ITIH3: variants seen among roughly 807,000 people sequenced by gnomAD.
ITIH3 encodes inter-alpha-trypsin inhibitor heavy chain H3.
ITIH3 carries 81 observed loss-of-function variants against 96.5 expected under a neutral mutation model. The observed-to-expected ratio is 0.84, with a 90% CI of 0.70 to 1.01. The LOEUF (loss-of-function observed/expected upper bound fraction) is 1.01, where lower values mean the gene tolerates loss of function less well. Among genes scored for constraint, ITIH3 ranks in the 50% least tolerant of loss-of-function variants. The pLI is 0.00. For synonymous variants in ITIH3, 422 were observed against 445.2 expected, an observed-to-expected ratio of 0.95 and a Z score of 0.66; for missense variants, 1,057 against 1,139.3, an observed-to-expected ratio of 0.93 and a Z score of 1.04.
In ITIH3 at chr3:52,806,956, G is replaced by A; in HGVS notation, c.2112G>A (p.Lys704=). 1 of 1,593,496 alleles carries A rather than the reference G, an allele frequency of 6.3e-7. No individual in the cohort carries two copies. Among genetic ancestry groups the A allele is most frequent in the Non-Finnish European group, 8.5e-7 (1 of 1,170,088 alleles). The change falls in exon 19 of 22, where the codon AAG becomes AAA. Residue 704 remains lysine, a synonymous_variant. Transcript: ENST00000449956. ...TGDKRGSPDS[K]TRKTYFGKLG... is the part of the protein sequence containing the mutation. ...ACAAGAGAGGCAGCCCTGACTCCAA[G>A]ACCAGAAAGACTTACTTTGGAAAAC...
rs780338298 is a variant in ITIH3, at chr3:52,803,867, T to A, written c.1722T>A (p.His574Gln). 5.6e-6 allele frequency: 9 copies of A among 1,613,974 alleles called. No homozygotes were observed. Among genetic ancestry groups the A allele is most frequent in the Non-Finnish European group, 6.8e-6 (8 of 1,179,880 alleles). ...EQLLEKRKNA[H>Q]GEEKENLTAR... ...CCCCTCCTCACAGCAAGAACGCCCA[T>A]GGCGAGGAGAAGGAGAACCTCACGG... Residue 574 changes from histidine (H) to glutamine (Q), a missense_variant, in exon 14 of 22, where the codon CAT becomes CAA. Transcript: ENST00000449956.
intron 8 of ITIH3, 115 bp downstream of exon 8, chr3:52,799,603 T>A: frequency 9.3e-7 from 1 of 1,074,284 alleles, no homozygotes; most frequent in Non-Finnish European, 1.3e-6. Context: ...GGGGACAGGA[T>A]AAGAGAAGGC....
rs754230343 is a variant in ITIH3, at chr3:52,795,637, C to T, written c.114+14C>T. The T allele has an allele frequency of 4.3e-6, 7 of 1,611,578 alleles. No individual in the cohort carries two copies. The highest frequency in any genetic ancestry group is 5.9e-6 in the Non-Finnish European group (7 of 1,178,818). ...CTCCCGGAAGGGGTAAGAACTTTCACCAGGGGGTGGGACCGAGTGGGGCAG... is the reference window on the plus strand; with the variant it reads ...CTCCCGGAAGGGGTAAGAACTTTCATCAGGGGGTGGGACCGAGTGGGGCAG... On this transcript the variant is annotated intron_variant, in intron 2 of 21. Transcript: ENST00000449956.
Position 52,804,023 on chromosome 3 carries a change from T to C in ITIH3, c.1864+14T>C. 2 of 1,609,802 alleles carry C rather than the reference T, an allele frequency of 1.2e-6. No homozygotes were observed. The highest frequency in any genetic ancestry group is 1.7e-6 in the Non-Finnish European group (2 of 1,178,124). ...AGCCTGGGGAAGGTGGGGATAGGGA[T>C]GGAGGCCGGAACCCGGAGGCCTCCT... On this transcript the variant is annotated intron_variant, in intron 14 of 21. Coordinates refer to ENST00000449956, the MANE Select transcript of ITIH3 (RefSeq NM_002217.4).
intron 1 of ITIH3, among the ~76,000 whole-genome samples, 160 bp downstream of exon 1, chr3:52,795,056 G>A (rs567699397): frequency 6.6e-6 from 1 of 152,152 alleles, no homozygotes; most frequent in Non-Finnish European, 1.5e-5. Context: ...TCCAGCTGAG[G>A]CCTATGCTAA....
rs368235477 is a variant in ITIH3, at chr3:52,802,478, G to A, written c.1528G>A (p.Glu510Lys). ...CGTGGTGGCCGGGCGCCTGGTGGAC[G>A]AGGACATGAACAGCTTTAAGGCAGA... ...EIVVAGRLVD[E>K]DMNSFKADVK... The change falls in exon 12 of 22, where the codon GAG becomes AAG. Residue 510 changes from glutamate (E) to lysine (K), a missense_variant. Coordinates refer to ENST00000449956, the MANE Select transcript of ITIH3 (RefSeq NM_002217.4). The A allele has an allele frequency of 9.9e-6, 16 of 1,613,846 alleles. No homozygotes were observed. Among genetic ancestry groups the A allele is most frequent in the Non-Finnish European group, 1.3e-5 (15 of 1,179,886 alleles).
rs750391616 is a variant in ITIH3 at position 52,801,109 on chromosome 3, G to A, written c.1346G>A (p.Arg449His). The stretch of plus-strand genomic sequence containing the variant: ...CTGGAGAACCATGGGTTTGCCCGGC[G>A]CATTTATGAGGACTCTGATGCCGAT... The part of the protein sequence containing the change: ...MALENHGFAR[R>H]IYEDSDADLQ... Residue 449 changes from arginine (R) to histidine (H), a missense_variant, in exon 11 of 22, where the codon CGC becomes CAC. By Grantham distance (29) the Arg-to-His change is conservative (BLOSUM62 0). Coordinates refer to ENST00000449956, the MANE Select transcript of ITIH3 (RefSeq NM_002217.4). 96 of 1,597,724 alleles carry A rather than the reference G, an allele frequency of 6.0e-5. No homozygotes were observed. The East Asian group carries it at 6.9e-4, about 12-fold the overall frequency.
chr3:52,804,196 G>C, intron 14 of ITIH3, 187 bp downstream of exon 14: 1 of 620,698 alleles, frequency 1.6e-6, no homozygotes, highest in Non-Finnish European at 2.8e-6. Flanking sequence ...GGACAGTGGG[G>C]TGTGGGGTGA....
chr3:52,804,251 C>T, intron 14 of ITIH3: 3 of 559,066 alleles, frequency 5.4e-6, no homozygotes, highest in Non-Finnish European at 9.6e-6. Context: ...AAAGGGGGCA[C>T]ACTGCCCATG....
In ITIH3 at chr3:52,797,121, T is replaced by G; in HGVS notation, c.403T>G (p.Leu135Val). The G allele has an allele frequency of 1.9e-6, 3 of 1,609,372 alleles. No homozygotes were observed. The highest frequency in any genetic ancestry group is 2.5e-6 in the Non-Finnish European group (3 of 1,178,350). The change falls in exon 5 of 22, where the codon TTG (leucine) becomes GTG (valine). Residue 135 changes from leucine to valine, a missense_variant. Physicochemically the swap from Leu to Val is conservative, Grantham distance 32. Transcript: ENST00000449956. ...AGLVKASGRK[L>V]EKFTVSVNVA... ...CCTGGTCAGGGCCTCTGGGAGGAAG[T>G]TGGAGAAGTTCACAGTCTCGGTCAA...
In ITIH3 at chr3:52,806,338, A is replaced by T; in HGVS notation, c.1988A>T (p.Asp663Val). 1 of 1,613,908 alleles carries T rather than the reference A, an allele frequency of 6.2e-7. No homozygotes were observed. Among genetic ancestry groups the T allele is most frequent in the Non-Finnish European group, 8.5e-7 (1 of 1,179,858 alleles). The part of the protein sequence containing the change: ...HFIIQIPEKD[D>V]ALCFNIDEAP... Reference sequence around the variant, plus strand: ...ATCATCCAAATTCCGGAGAAAGACGATGCCCTCTGCTTCAACATCGATGAA... The same window carrying T: ...ATCATCCAAATTCCGGAGAAAGACGTTGCCCTCTGCTTCAACATCGATGAA... Residue 663 changes from aspartate (D) to valine (V), a missense_variant, in exon 18 of 22, where the codon GAT becomes GTT. Coordinates refer to ENST00000449956, the MANE Select transcript of ITIH3 (RefSeq NM_002217.4).
At chr3:52,802,130 C>A (rs1290610020) in intron 11 of ITIH3, 3 of 505,612 alleles carry the variant, frequency 5.9e-6, no homozygotes, top group African/African-American at 3.9e-5. Context: ...TGAAACTGTC[C>A]TTTCTAGTCT....
Position 52,797,046 on chromosome 3 carries a change from C to T in ITIH3, c.387-59C>T, listed in dbSNP as rs538369665. 4.5e-6 allele frequency: 7 copies of T among 1,556,886 alleles called. No homozygotes were observed. In the Admixed American group the frequency reaches 1.1e-4, roughly 25 times the overall value. ...AAAGGGCTGGGCCTGGGGCCGAGGG[C>T]CGAGGAAGGGTGGGCTCCTGCAGTC... On this transcript the variant is annotated intron_variant, in intron 4 of 21. Transcript: ENST00000449956.
At position 52,806,113 on chromosome 3, in the gene ITIH3, GC is replaced by G; in HGVS notation, c.1919del (p.Pro640LeufsTer87). 1 of 1,602,210 alleles carries G rather than the reference GC, an allele frequency of 6.2e-7. No individual in the cohort carries two copies. The highest frequency in any genetic ancestry group is 8.5e-7 in the Non-Finnish European group (1 of 1,174,344). ...PAMSYLTSYQ[P>X]PQNPYYYVDG... ...CCTTTGTATCTGCAGCCAGCTACCA[GC>G]CTCCTCAAAACCCCTACTACTATGG... On this transcript the variant is annotated frameshift_variant, in exon 17 of 22. Coordinates refer to ENST00000449956, the MANE Select transcript of ITIH3 (RefSeq NM_002217.4). LOFTEE classifies it high-confidence loss of function.
At chr3:52,802,268 C>T (rs1256943108) in intron 11 of ITIH3, 66 bp from the exon 12 acceptor site, 1 of 1,547,536 alleles carries the variant, frequency 6.5e-7, no homozygotes, top group Non-Finnish European at 8.8e-7. Context: ...GGCATGGATG[C>T]CCAGCTGCAG....
Position 52,806,343 on chromosome 3 carries a change from C to T in ITIH3, c.1993C>T (p.Leu665Phe). The change falls in exon 18 of 22, where the codon CTC becomes TTC. Residue 665 changes from leucine (L) to phenylalanine (F), a missense_variant. Coordinates refer to ENST00000449956, the MANE Select transcript of ITIH3 (RefSeq NM_002217.4). ...CCAAATTCCGGAGAAAGACGATGCC[C>T]TCTGCTTCAACATCGATGAAGCCCC... Reference protein sequence around the residue: ...IIQIPEKDDALCFNIDEAPGT... With the variant: ...IIQIPEKDDAFCFNIDEAPGT... 6.2e-7 allele frequency: 1 copy of T among 1,614,014 alleles called. No individual in the cohort carries two copies.
rs372170151 is a variant in ITIH3 at position 52,802,500 on chromosome 3, C to T, written c.1550C>T (p.Ala517Val). The change falls in exon 12 of 22, where the codon GCA (alanine) becomes GTA (valine). Residue 517 changes from alanine (A) to valine (V), a missense_variant. Ala to Val is a moderately conservative substitution (Grantham distance 64). Transcript: ENST00000449956. ...LVDEDMNSFK[A>V]DVKGHGATND... ...GACGAGGACATGAACAGCTTTAAGGCAGATGTGAAGGGCCATGGGGTGAGT... is the reference window on the plus strand; with the variant it reads ...GACGAGGACATGAACAGCTTTAAGGTAGATGTGAAGGGCCATGGGGTGAGT... The T allele has an allele frequency of 1.2e-6, 2 of 1,613,858 alleles. No homozygotes were observed. The highest frequency in any genetic ancestry group is 1.3e-5 in the African/African-American group (1 of 75,032).
chr3:52,796,375 G>T, intron 2 of ITIH3, 106 bp from the exon 3 acceptor site: 1 of 950,232 alleles, frequency 1.1e-6, no homozygotes, highest in South Asian at 1.6e-5. Context: ...TTGCGTGCCG[G>T]GCAGGGGCCT....
Position 52,797,156 on chromosome 3 carries a change from A to G in ITIH3, c.438A>G (p.Ala146=), listed in dbSNP as rs2154109400. ...EKFTVSVNVA[A]GSKVTFELTY... ...TCACAGTCTCGGTCAACGTGGCTGC[A>G]GGCAGCAAAGTCACCTTCGAGCTAA... The change falls in exon 5 of 22, where the codon GCA becomes GCG. Residue 146 remains alanine (A), a synonymous_variant. Transcript: ENST00000449956. 1.2e-6 allele frequency: 2 copies of G among 1,609,746 alleles called. No homozygotes were observed. Among genetic ancestry groups the G allele is most frequent in the Non-Finnish European group, 1.7e-6 (2 of 1,178,300 alleles).
Sources: gnomAD v4.1 joint callset for allele counts (sites outside exome capture counted in the v4.1 genomes callset) on GRCh38, gnomAD v4.1.1 for gene constraint, MANE v1.5 for transcripts, NCBI Gene and HGNC (gene_info 2026-07-23, HGNC 2026-07-21) for gene names.